MTUS2: variants seen among roughly 807,000 people sequenced by gnomAD.
The protein encoded by MTUS2 is microtubule associated scaffold protein 2.
MTUS2 carries 40 observed loss-of-function variants against 114.1 expected under a neutral mutation model. The observed-to-expected ratio is 0.35, with a 90% confidence interval of 0.27 to 0.46. The LOEUF (loss-of-function observed/expected upper bound fraction) is 0.46, where lower values mean the gene tolerates loss of function less well. Ranked by LOEUF, MTUS2 falls within the 20% of genes least tolerant of loss-of-function variation. The pLI is 1.00. For missense variants in MTUS2, 1,679 were observed against 1,705.4 expected, an observed-to-expected ratio of 0.98 and a Z score of 0.27; for synonymous variants, 688 against 672.0, an observed-to-expected ratio of 1.02 and a Z score of -0.37.
intron 2 of MTUS2, among the ~76,000 whole-genome samples, chr13:28,889,611 G>A (rs954704716): frequency 6.6e-6 from 1 of 152,040 alleles, no homozygotes. Context: ...GCTTTATGAC[G>A]CATGCTGAAA....
At chr13:28,891,177 TA>T in intron 2 of MTUS2, among the ~76,000 whole-genome samples, 1 of 152,172 alleles carries the variant, frequency 6.6e-6, no homozygotes, top group Non-Finnish European at 1.5e-5. Context: ...TTAGTGCTCG[TA>T]AATGCTATGA....
intron 5 of MTUS2, chr13:29,250,600 G>A (rs982413150): frequency 6.6e-6 from 1 of 151,542 alleles, no homozygotes; most frequent in African/African-American, 2.4e-5. Context: ...CACCGTAAAA[G>A]TAGAATTCTC....
At chr13:29,264,578 T>A (rs568919113) in intron 5 of MTUS2, among the ~76,000 whole-genome samples, 1 of 152,312 alleles carries the variant, frequency 6.6e-6, no homozygotes, top group African/African-American at 2.4e-5. Flanking sequence ...TTTCCATGCA[T>A]CCTCTGAAAC....
chr13:29,313,312 A>AT (rs1899851570), intron 6 of MTUS2, among the ~76,000 whole-genome samples: 1 of 152,204 alleles, frequency 6.6e-6, no homozygotes, highest in Admixed American at 6.5e-5. Context: ...AAGATTTGGC[A>AT]TTTTATTGAG....
intron 2 of MTUS2, among the ~76,000 whole-genome samples, chr13:28,841,020 A>C (rs1392090186): frequency 6.6e-6 from 1 of 152,236 alleles, no homozygotes; most frequent in African/African-American, 2.4e-5. Context: ...TGAAAGCTTC[A>C]TTCTATAGAC....
intron 2 of MTUS2, among the ~76,000 whole-genome samples, chr13:28,907,750 A>G (rs1467427151): frequency 6.6e-6 from 1 of 151,680 alleles, no homozygotes; most frequent in Non-Finnish European, 1.5e-5. Context: ...CAAATTCATA[A>G]CGCAAGTACT....
At chr13:29,220,206 G>A (rs756578548) in intron 5 of MTUS2, among the ~76,000 whole-genome samples, 20 of 151,970 alleles carry the variant, frequency 1.3e-4, no homozygotes, top group Admixed American at 9.2e-4. Context: ...TCACCATGTT[G>A]TCCAGGCTGG....
At chr13:29,209,317 A>T (rs1205323024) in intron 5 of MTUS2, among the ~76,000 whole-genome samples, 3 of 152,022 alleles carry the variant, frequency 2.0e-5, no homozygotes, top group Admixed American at 2.0e-4. Flanking sequence ...TTGAGTTCTT[A>T]TGTTGTTTGG....
intron 5 of MTUS2, among the ~76,000 whole-genome samples, chr13:29,208,087 A>G (rs1382482133): frequency 6.6e-6 from 1 of 152,008 alleles, no homozygotes; most frequent in African/African-American, 2.4e-5. Context: ...TTTTTTTATT[A>G]TCATTTCAGT....
intron 2 of MTUS2, among the ~76,000 whole-genome samples, chr13:29,023,363 C>G (rs1886372961): frequency 6.6e-6 from 1 of 152,160 alleles, no homozygotes; most frequent in Non-Finnish European, 1.5e-5. Context: ...AAATTTCAAA[C>G]CTATAGAAAA....
intron 2 of MTUS2, among the ~76,000 whole-genome samples, chr13:29,006,270 A>G (rs1885595901): frequency 6.6e-6 from 1 of 152,244 alleles, no homozygotes; most frequent in Admixed American, 6.5e-5. Flanking sequence ...TTAGGAACAC[A>G]TAAAAACAAA....
chr13:28,983,052 T>TA (rs1321675419), intron 2 of MTUS2, among the ~76,000 whole-genome samples: 1 of 152,200 alleles, frequency 6.6e-6, no homozygotes, highest in Non-Finnish European at 1.5e-5. Context: ...TATCTTACCA[T>TA]AAAACCATAA....
chr13:29,460,665 A>G (rs1296003221), intron 9 of MTUS2, among the ~76,000 whole-genome samples: 1 of 152,184 alleles, frequency 6.6e-6, no homozygotes. Context: ...GTGTTGAGAA[A>G]TGTATCCTCT....
At chr13:29,475,567 G>A (rs1880639208) in intron 9 of MTUS2, among the ~76,000 whole-genome samples, 2 of 152,196 alleles carry the variant, frequency 1.3e-5, no homozygotes, top group African/African-American at 2.4e-5. Flanking sequence ...GGAGTTGGAA[G>A]ATGGAGATAT....
chr13:29,081,001 A>G (rs553620246), intron 4 of MTUS2, among the ~76,000 whole-genome samples: 1 of 152,306 alleles, frequency 6.6e-6, no homozygotes, highest in African/African-American at 2.4e-5. Context: ...GCTGGATTAC[A>G]GGCATGAGCC....
chr13:28,881,148 C>A (rs548606874), intron 2 of MTUS2, among the ~76,000 whole-genome samples: 2 of 152,122 alleles, frequency 1.3e-5, no homozygotes, highest in African/African-American at 4.8e-5. Context: ...CTTGGAGACC[C>A]CCAGTGTCTA....
At position 29,433,200 on chromosome 13, in the gene MTUS2, G is replaced by A. The variant is rs116773587; in HGVS notation, c.3118-6783G>A. 3.4e-3 allele frequency among the ~76,000 whole-genome samples: 511 copies of A among 152,314 alleles called. 6 individuals are homozygous for A. The highest frequency in any genetic ancestry group is 0.012 in the African/African-American group (488 of 41,564). ...TTATTAACTACAGCCTCTTGGGAAA[G>A]CTAGATGTCTTTTTACCCAGTGACT... On this transcript the variant is annotated intron_variant, in intron 8 of 15. Transcript: ENST00000612955.
intron 1 of MTUS2, among the ~76,000 whole-genome samples, chr13:28,830,729 G>C (rs1457441949): frequency 3.3e-5 from 5 of 152,090 alleles, no homozygotes; most frequent in Non-Finnish European, 7.4e-5. Context: ...TAAGGGGACA[G>C]AAAGATTACT....
chr13:29,067,447 A>G (rs1422897522), intron 4 of MTUS2, among the ~76,000 whole-genome samples: 10 of 152,176 alleles, frequency 6.6e-5, no homozygotes, highest in Non-Finnish European at 2.9e-5. Flanking sequence ...GAGGACCAGT[A>G]AAAATACAGA....
Sources: gnomAD v4.1 joint callset for allele counts (sites outside exome capture counted in the v4.1 genomes callset) on GRCh38, gnomAD v4.1.1 for gene constraint, MANE v1.5 for transcripts, NCBI Gene and HGNC (gene_info 2026-07-23, HGNC 2026-07-21) for gene names.